ZDHHC13: variants seen among roughly 807,000 people sequenced by gnomAD.
The protein encoded by ZDHHC13 is palmitoyltransferase ZDHHC13.
In ZDHHC13, 85 loss-of-function variants were observed where a neutral mutation model predicts 86.0. That is an observed-to-expected ratio of 0.99 (90% confidence interval 0.83 to 1.18). The LOEUF (loss-of-function observed/expected upper bound fraction) is 1.18. Among genes scored for constraint, ZDHHC13 ranks in the 50% most tolerant of loss-of-function variants. The probability of loss-of-function intolerance (pLI) is 0.00; values close to 1 mark genes in which losing one functional copy is unlikely to be tolerated. For missense variants in ZDHHC13, 711 were observed against 730.2 expected (o/e 0.97, Z 0.30); for synonymous variants, 263 against 246.4 (o/e 1.07, Z -0.63).
chr11:19,149,125 C>A, intron 4 of ZDHHC13, 62 bp from the exon 5 acceptor site: 1 of 1,344,930 alleles, frequency 7.4e-7, no homozygotes, highest in Non-Finnish European at 9.7e-7. Context: ...GAATATCAGT[C>A]TCTCCCTGAC....
At chr11:19,168,965 T>C in intron 14 of ZDHHC13, 1 of 985,346 alleles carries the variant, frequency 1.0e-6, no homozygotes, top group Non-Finnish European at 1.2e-6. Context: ...TGACCTGGAA[T>C]GATGTGAGTT....
intron 10 of ZDHHC13, among the ~76,000 whole-genome samples, chr11:19,162,239 T>G (rs1174268133): frequency 1.3e-5 from 2 of 152,130 alleles, no homozygotes; most frequent in African/African-American, 2.4e-5. Context: ...ATCTAAAGGA[T>G]CTAATGAATG....
intron 8 of ZDHHC13, among the ~76,000 whole-genome samples, chr11:19,153,400 T>C (rs901198385): frequency 1.3e-5 from 2 of 152,216 alleles, no homozygotes; most frequent in Non-Finnish European, 2.9e-5. Context: ...TTTTCAAATA[T>C]GATACCATCA....
chr11:19,146,418 C>A, intron 3 of ZDHHC13, 115 bp downstream of exon 3: 2 of 1,251,668 alleles, frequency 1.6e-6, no homozygotes, highest in Non-Finnish European at 2.1e-6. Context: ...TAAAAGAACA[C>A]CCGAAACTTT....
intron 8 of ZDHHC13, among the ~76,000 whole-genome samples, chr11:19,153,788 AC>A (rs775689363): frequency 6.0e-5 from 9 of 150,526 alleles, no homozygotes; most frequent in Non-Finnish European, 1.0e-4. Flanking sequence ...TACCCTCCCC[AC>A]CCTTCCCCTG....
intron 1 of ZDHHC13, among the ~76,000 whole-genome samples, chr11:19,131,576 T>G (rs1204962608): frequency 6.6e-6 from 1 of 152,226 alleles, no homozygotes; most frequent in African/African-American, 2.4e-5. Context: ...TGGTCTCTTC[T>G]TCTATACTGT....
chr11:19,160,787 T>A (rs940782532), intron 10 of ZDHHC13, among the ~76,000 whole-genome samples: 4 of 151,924 alleles, frequency 2.6e-5, no homozygotes, highest in Non-Finnish European at 5.9e-5. Context: ...GATCCTTAAG[T>A]AATAAACCTA....
At chr11:19,126,928 C>T (rs921386380) in intron 1 of ZDHHC13, among the ~76,000 whole-genome samples, 4 of 152,160 alleles carry the variant, frequency 2.6e-5, no homozygotes, top group Non-Finnish European at 5.9e-5. Context: ...CATTCACATA[C>T]ATGTGTCTTT....
chr11:19,140,531 A>G (rs536305447), intron 1 of ZDHHC13, among the ~76,000 whole-genome samples: 13 of 152,308 alleles, frequency 8.5e-5, no homozygotes, highest in Non-Finnish European at 1.2e-4. Context: ...ATCTAGAACT[A>G]GAAATACCAT....
intron 13 of ZDHHC13, 128 bp from the exon 14 acceptor site, chr11:19,166,174 C>A: frequency 1.4e-6 from 1 of 719,766 alleles, no homozygotes; most frequent in Non-Finnish European, 2.3e-6. Context: ...TACTTAAAAG[C>A]AAAGCAACAG....
At chr11:19,127,548 T>C (rs1160717914) in intron 1 of ZDHHC13, among the ~76,000 whole-genome samples, 1 of 152,198 alleles carries the variant, frequency 6.6e-6, no homozygotes, top group Non-Finnish European at 1.5e-5. Context: ...GGATGGTATG[T>C]CCTAGGTTTT....
intron 1 of ZDHHC13, among the ~76,000 whole-genome samples, chr11:19,139,076 G>T (rs1849231842): frequency 6.6e-6 from 1 of 152,034 alleles, no homozygotes; most frequent in Non-Finnish European, 1.5e-5. Context: ...CAATTAGGTA[G>T]GAGAAGGAAA....
chr11:19,149,242 C>G lies in ZDHHC13; in HGVS notation c.430C>G (p.Leu144Val), dbSNP rs200572666. The G allele has an allele frequency of 5.0e-6, 8 of 1,606,084 alleles. No homozygotes were observed. In the Admixed American group the frequency reaches 8.4e-5, roughly 17 times the overall value. The change falls in exon 5 of 17, where the codon CTT (leucine) becomes GTT (valine). Residue 144 changes from leucine to valine, a missense_variant. Physicochemically the swap from Leu to Val is conservative, Grantham distance 32. Coordinates refer to ENST00000446113, the MANE Select transcript of ZDHHC13 (RefSeq NM_019028.3). ...LLLQHGADPT[L>V]IDGEGFSSIH... ...ACTCCAGCATGGTGCAGACCCCACT[C>G]TTATTGATGGAGAGGGATTCAGCAG... is the stretch of plus-strand genomic sequence containing the variant.
intron 12 of ZDHHC13, 35 bp from the exon 13 acceptor site, chr11:19,165,017 G>A (rs759665359): frequency 6.3e-7 from 1 of 1,588,642 alleles, no homozygotes; most frequent in Non-Finnish European, 8.6e-7. Context: ...TGAGACACTG[G>A]TTTTTGCTTA....
At chr11:19,122,207 TTAAC>T (rs1220924440) in intron 1 of ZDHHC13, among the ~76,000 whole-genome samples, 14 of 152,352 alleles carry the variant, frequency 9.2e-5, no homozygotes, top group African/African-American at 2.9e-4. Context: ...ATTATATTCA[TTAAC>T]TAATAGCTCA....
chr11:19,121,148 C>T (rs7930821), intron 1 of ZDHHC13, among the ~76,000 whole-genome samples: 6,600 of 152,218 alleles, frequency 0.043, 258 homozygotes, highest in East Asian at 0.21. Flanking sequence ...GAATTCAAGA[C>T]GCAAAAATAA....
At chr11:19,172,930 C>T in intron 16 of ZDHHC13, 110 bp downstream of exon 16, 2 of 955,768 alleles carry the variant, frequency 2.1e-6, no homozygotes, top group Non-Finnish European at 3.0e-6. Context: ...AATTTGCCAT[C>T]TAGTACAGTT....
intron 5 of ZDHHC13, 65 bp from the exon 6 acceptor site, chr11:19,150,662 A>G: frequency 2.2e-6 from 3 of 1,380,222 alleles, no homozygotes; most frequent in South Asian, 2.6e-5. Flanking sequence ...AGATATTTCT[A>G]TTAAGAGAAC....
chr11:19,170,559 A>G lies in ZDHHC13; in HGVS notation c.1623A>G (p.Gln541=), dbSNP rs768437833. ...GGTCAACATTTTTATTATTAAATCAACTCTTTCAGGTATTTATTTCTCTTC... is the reference window on the plus strand; with the variant it reads ...GGTCAACATTTTTATTATTAAATCAGCTCTTTCAGGTATTTATTTCTCTTC... ...FSWSTFLLLN[Q]LFQIAFLGLT... is the part of the protein sequence containing the mutation. Residue 541 remains glutamine (Q), a synonymous_variant, in exon 15 of 17, where the codon CAA becomes CAG. Coordinates refer to ENST00000446113, the MANE Select transcript of ZDHHC13 (RefSeq NM_019028.3). The G allele has an allele frequency of 1.3e-6, 2 of 1,521,726 alleles. No individual in the cohort carries two copies. The highest frequency in any genetic ancestry group is 2.5e-5 in the East Asian group (1 of 40,624). 94.3% of individuals were successfully genotyped at this position (1,521,726 alleles called of 1,614,324 possible).
Sources: allele counts gnomAD v4.1 joint callset (sites outside exome capture counted in the v4.1 genomes callset), GRCh38; gene constraint gnomAD v4.1.1; transcripts MANE v1.5; gene names NCBI Gene and HGNC (gene_info 2026-07-23, HGNC 2026-07-21).